Variants in GIGYF2 observed in about 807,000 individuals in gnomAD.
GIGYF2 encodes the protein GRB10-interacting GYF protein 2.
In GIGYF2, 25 loss-of-function variants were observed where a neutral mutation model predicts 208.1. The observed-to-expected ratio is 0.12, with a 90% CI of 0.09 to 0.17. The LOEUF (loss-of-function observed/expected upper bound fraction) is 0.17. GIGYF2 is among the 10% of genes least tolerant of loss of function. The pLI is 1.00. For missense variants in GIGYF2, 1,302 were observed against 1,579.4 expected (o/e 0.82, Z 2.98); for synonymous variants, 534 against 543.8 (o/e 0.98, Z 0.25).
At chr2:232,845,675 A>G (rs878927549) in intron 25 of GIGYF2, 57 bp from the exon 26 acceptor site, 7 of 1,404,094 alleles carry the variant, frequency 5.0e-6, no homozygotes, top group South Asian at 1.2e-5. Flanking sequence ...GTGTTGTACT[A>G]TAATCATATA....
intron 8 of GIGYF2, among the ~76,000 whole-genome samples, chr2:232,762,962 C>T (rs1698806806): frequency 6.6e-6 from 1 of 151,908 alleles, no homozygotes; most frequent in Non-Finnish European, 1.5e-5. Context: ...GTCGAGGCTG[C>T]AGTGAGCCGT....
chr2:232,780,241 C>G (rs1699667590), intron 8 of GIGYF2, among the ~76,000 whole-genome samples: 1 of 152,144 alleles, frequency 6.6e-6, no homozygotes, highest in African/African-American at 2.4e-5. Context: ...TCAGTTAGAC[C>G]AGGCAAAAAC....
In GIGYF2 at chr2:232,809,772, A is replaced by G; in HGVS notation, c.1859A>G (p.Tyr620Cys). 1 of 1,611,028 alleles carries G rather than the reference A, an allele frequency of 6.2e-7. No homozygotes were observed. The highest frequency in any genetic ancestry group is 8.5e-7 in the Non-Finnish European group (1 of 1,177,134). Reference protein sequence around the residue: ...LTRQQELTALYQMQHLQYQQF... With the variant: ...LTRQQELTALCQMQHLQYQQF... Reference sequence around the variant, plus strand: ...AGGCAGCAAGAACTCACAGCCTTATACCAGATGCAGCACCTGCAGTACCAG... The same window carrying G: ...AGGCAGCAAGAACTCACAGCCTTATGCCAGATGCAGCACCTGCAGTACCAG... The change falls in exon 16 of 29, where the codon TAC (tyrosine) becomes TGC (cysteine). Residue 620 changes from tyrosine to cysteine, a missense_variant. Transcript: ENST00000373563.
intron 9 of GIGYF2, 32 bp downstream of exon 9, chr2:232,787,361 G>T (rs1439173785): frequency 6.3e-7 from 1 of 1,585,582 alleles, no homozygotes. Context: ...GGCACACAGG[G>T]ACTGAAATAA....
At chr2:232,848,332 A>C (rs905046983) in intron 27 of GIGYF2, among the ~76,000 whole-genome samples, 6 of 152,176 alleles carry the variant, frequency 3.9e-5, no homozygotes, top group Non-Finnish European at 7.4e-5. Context: ...CTTCAGCACT[A>C]TAGTTGAGGG....
intron 23 of GIGYF2, among the ~76,000 whole-genome samples, chr2:232,843,655 C>A (rs2106423560): frequency 6.6e-6 from 1 of 151,596 alleles, no homozygotes; most frequent in African/African-American, 2.4e-5. Flanking sequence ...GGGCAGATCG[C>A]TTGAGGCCAG....
chr2:232,791,504 C>T, intron 12 of GIGYF2, 58 bp downstream of exon 12: 1 of 1,456,764 alleles, frequency 6.9e-7, no homozygotes, highest in Non-Finnish European at 9.5e-7. Context: ...CCAGTGATCA[C>T]TGATAAGTTA....
chr2:232,792,246 C>G (rs1216493174), intron 12 of GIGYF2, among the ~76,000 whole-genome samples: 1 of 152,148 alleles, frequency 6.6e-6, no homozygotes, highest in African/African-American at 2.4e-5. Flanking sequence ...TTGAAACTCT[C>G]TTCCACCCAA....
At chr2:232,754,195 T>A (rs916712834) in intron 5 of GIGYF2, among the ~76,000 whole-genome samples, 2 of 132,378 alleles carry the variant, frequency 1.5e-5, no homozygotes, top group African/African-American at 5.6e-5. Flanking sequence ...AGAAATAGAG[T>A]TGTTTCATTT....
Position 232,850,266 on chromosome 2 carries a change from C to G in GIGYF2, c.3689C>G (p.Ser1230Cys). 1 of 1,613,192 alleles carries G rather than the reference C, an allele frequency of 6.2e-7. No homozygotes were observed. Among genetic ancestry groups the G allele is most frequent in the South Asian group, 1.1e-5 (1 of 91,058 alleles). ...QPPQQPQQQD[S>C]VWGMNHSTLH... ...GTCATGCTGCTTATTTCACAGGACT[C>G]TGTGTGGGGGATGAACCACAGTACA... The change falls in exon 28 of 29, where the codon TCT becomes TGT. Residue 1230 changes from serine (S) to cysteine (C), a missense_variant. By Grantham distance (112) the Ser-to-Cys change is moderately radical. Transcript: ENST00000373563.
At chr2:232,805,670 A>C (rs9653383) in intron 14 of GIGYF2, among the ~76,000 whole-genome samples, 105,178 of 151,996 alleles carry the variant, frequency 0.69, 36,859 homozygotes, top group African/African-American at 0.76. Flanking sequence ...AAAAGAAAAA[A>C]CAGGGAATTC....
At chr2:232,734,242 G>T (rs1697633821) in intron 2 of GIGYF2, among the ~76,000 whole-genome samples, 1 of 145,964 alleles carries the variant, frequency 6.9e-6, no homozygotes, top group Non-Finnish European at 1.5e-5. Context: ...TGTTTATTTT[G>T]TAGAGACAGG....
In GIGYF2 at chr2:232,840,561, A is replaced by G. The variant is rs148198704; in HGVS notation, c.2889+590A>G. On this transcript the variant is annotated intron_variant, in intron 23 of 28. Transcript: ENST00000373563. ...ATTCATTCATTCATTCATTCAACACATGTTTACTGAGTACCTACTCACTTA... is the reference window on the plus strand; with the variant it reads ...ATTCATTCATTCATTCATTCAACACGTGTTTACTGAGTACCTACTCACTTA... Among the ~76,000 whole-genome samples the G allele has an allele frequency of 2.1e-3, 323 of 152,014 alleles. 1 individual carries two copies. The highest frequency in any genetic ancestry group is 7.5e-3 in the African/African-American group (310 of 41,432).
intron 11 of GIGYF2, 39 bp downstream of exon 11, chr2:232,791,209 AT>A: frequency 6.2e-7 from 1 of 1,613,946 alleles, no homozygotes; most frequent in Non-Finnish European, 8.5e-7. Flanking sequence ...TTTTTCCTCC[AT>A]CAAACCAAAA....
chr2:232,765,921 G>A (rs1183889571), intron 8 of GIGYF2: 1 of 451,466 alleles, frequency 2.2e-6, no homozygotes, highest in Non-Finnish European at 4.6e-6. Context: ...AGTTAGTTCC[G>A]AAGTAGTCTT....
intron 2 of GIGYF2, among the ~76,000 whole-genome samples, chr2:232,712,532 T>G (rs1403554195): frequency 6.6e-6 from 1 of 152,218 alleles, no homozygotes; most frequent in Non-Finnish European, 1.5e-5. Context: ...TGCAATTAAC[T>G]TCAGTCATGC....
chr2:232,791,218 A>G (rs1427310874), intron 11 of GIGYF2, 40 bp from the exon 12 acceptor site: 1 of 1,613,766 alleles, frequency 6.2e-7, no homozygotes, highest in South Asian at 1.1e-5. Flanking sequence ...CATCAAACCA[A>G]AACTTTCGTA....
intron 5 of GIGYF2, among the ~76,000 whole-genome samples, chr2:232,754,226 G>A (rs1698446627): frequency 6.7e-6 from 1 of 150,362 alleles, no homozygotes; most frequent in Non-Finnish European, 1.5e-5. Context: ...CAGCAGTACA[G>A]AATTTTACAT....
At chr2:232,730,897 C>CAGA (rs1491257923) in intron 2 of GIGYF2, among the ~76,000 whole-genome samples, 3 of 51,572 alleles carry the variant, frequency 5.8e-5, no homozygotes, top group African/African-American at 2.1e-4. Context: ...GACTCCGTCT[C>CAGA]AAAAAAAAAA....
Sources: allele counts gnomAD v4.1 joint callset (sites outside exome capture counted in the v4.1 genomes callset), GRCh38; gene constraint gnomAD v4.1.1; transcripts MANE v1.5; gene names NCBI Gene and HGNC (gene_info 2026-07-23, HGNC 2026-07-21).